The following R3HDM1 variants were observed in gnomAD, a reference collection of about 807,000 sequenced individuals.
R3HDM1 encodes R3H domain containing 1, also known as R3H domain-containing protein 1.
In R3HDM1, 46 loss-of-function variants were observed where a neutral mutation model predicts 141.1. That is an observed-to-expected ratio of 0.33 (90% CI 0.26 to 0.42). R3HDM1 has a LOEUF of 0.42. Among genes scored for constraint, R3HDM1 ranks in the 10% least tolerant of loss-of-function variants. The pLI is 1.00. For missense variants in R3HDM1, 1,184 were observed against 1,368.3 expected (o/e 0.87, Z 2.12); for synonymous variants, 435 against 472.9 (o/e 0.92, Z 1.04).
At chr2:135,640,991 C>T (rs902995097) in intron 14 of R3HDM1, among the ~76,000 whole-genome samples, 8 of 152,140 alleles carry the variant, frequency 5.3e-5, no homozygotes, top group African/African-American at 1.9e-4. Flanking sequence ...GTTGATTTTA[C>T]ATTTTGGGAA....
rs533487515 is a variant in R3HDM1 at position 135,715,087 on chromosome 2, C to T, written c.2737-463C>T. ...TCTGTTGGCCAGGTGCGATGGCTCA[C>T]GCCTGTAATTCCAGCACTTAGGGAG... On this transcript the variant is annotated intron_variant, in intron 23 of 26. Coordinates refer to ENST00000683871, the MANE Select transcript of R3HDM1 (RefSeq NM_001378107.1). Among the ~76,000 whole-genome samples the T allele has an allele frequency of 5.0e-4, 76 of 152,332 alleles. No individual in the cohort carries two copies. The South Asian group carries it at 7.0e-3, about 14-fold the overall frequency.
In R3HDM1 at chr2:135,660,825, G is replaced by A. The variant is rs1308790641; in HGVS notation, c.2029-445G>A. Among the ~76,000 whole-genome samples, 4 of 142,032 alleles carry A rather than the reference G, an allele frequency of 2.8e-5. No individual in the cohort carries two copies. The South Asian group carries it at 6.6e-4, about 23-fold the overall frequency. 93.2% of individuals were successfully genotyped at this position (142,032 alleles called of 152,430 possible). A position where few individuals can be genotyped will look rare whatever the true frequency, so the allele number is the denominator to read the frequency against. On this transcript the variant is annotated intron_variant, in intron 18 of 26. Coordinates refer to ENST00000683871, the MANE Select transcript of R3HDM1 (RefSeq NM_001378107.1). ...GGCAGCACTACACTCCAACCTGGGC[G>A]ACAGAATGAGACTCCACCTCAAAAA...
At chr2:135,601,482 T>C in intron 1 of R3HDM1, among the ~76,000 whole-genome samples, 1 of 152,204 alleles carries the variant, frequency 6.6e-6, no homozygotes, top group Admixed American at 6.5e-5. Flanking sequence ...TATATGCATA[T>C]ATGTATGCTT....
rs534325030 is a variant in R3HDM1 at position 135,725,021 on chromosome 2, A to C, written c.*729A>C. 2 of 152,684 alleles carry C rather than the reference A, an allele frequency of 1.3e-5. No homozygotes were observed. Among genetic ancestry groups the C allele is most frequent in the African/African-American group, 4.8e-5 (2 of 41,548 alleles). The allele number at this position is 152,684 out of a possible 1,614,324, so 9.5% of individuals were successfully genotyped here. On this transcript the variant is annotated 3_prime_UTR_variant, in exon 27 of 27. Coordinates refer to ENST00000683871, the MANE Select transcript of R3HDM1 (RefSeq NM_001378107.1). ...TTTCAAGTATCTCTCTAATAACTAA[A>C]TGCCACTTATTTGCATTCTCCTTGT...
intron 21 of R3HDM1, among the ~76,000 whole-genome samples, chr2:135,695,720 TGAAA>T (rs72102208): frequency 0.065 from 9,905 of 152,144 alleles, 605 homozygotes; most frequent in African/African-American, 0.17. Context: ...TTTGAAGAAG[TGAAA>T]GAAAGAAAAC....
chr2:135,616,300 A>C, intron 4 of R3HDM1, 107 bp downstream of exon 4: 1 of 1,144,056 alleles, frequency 8.7e-7, no homozygotes, highest in Non-Finnish European at 1.2e-6. Flanking sequence ...TCCATATTTT[A>C]TGGGGGGCAG....
rs770901687 is a variant in R3HDM1, at chr2:135,638,962, G to T, written c.1059G>T (p.Lys353Asn). The T allele has an allele frequency of 1.2e-4, 200 of 1,613,984 alleles. No homozygotes were observed. The highest frequency in any genetic ancestry group is 1.6e-4 in the Non-Finnish European group (190 of 1,180,044). The change falls in exon 14 of 27, where the codon AAG becomes AAT. Residue 353 changes from lysine to asparagine, a missense_variant. By Grantham distance (94) the Lys-to-Asn change is moderately conservative. Transcript: ENST00000683871. ...SHQSSTENEL[K>N]YSEPRPWSST... ...AAAGCAGCACTGAGAATGAGTTGAA[G>T]TACTCGGAACCACGACCCTGGAGCA...
chr2:135,576,386 A>G (rs1356917414), intron 1 of R3HDM1, among the ~76,000 whole-genome samples: 1 of 152,224 alleles, frequency 6.6e-6, no homozygotes, highest in Non-Finnish European at 1.5e-5. Flanking sequence ...AAATAAAAAA[A>G]AGTGTTAAAT....
intron 1 of R3HDM1, among the ~76,000 whole-genome samples, chr2:135,578,919 A>G (rs1189457693): frequency 2.6e-5 from 4 of 152,198 alleles, no homozygotes; most frequent in African/African-American, 7.2e-5. Context: ...AGGTATCCAT[A>G]TGAAGTCGTG....
intron 1 of R3HDM1, among the ~76,000 whole-genome samples, chr2:135,556,903 T>C (rs555628178): frequency 6.6e-6 from 1 of 152,316 alleles, no homozygotes; most frequent in Admixed American, 6.5e-5. Flanking sequence ...ATTCTCTAGG[T>C]CTTACAACTT....
chr2:135,584,119 G>A (rs925259398), intron 1 of R3HDM1: 18 of 883,268 alleles, frequency 2.0e-5, no homozygotes, highest in Non-Finnish European at 2.3e-5. Context: ...CTTGAGGTCA[G>A]AAGTTCAAGA....
intron 1 of R3HDM1, among the ~76,000 whole-genome samples, chr2:135,544,056 A>T (rs1408988103): frequency 1.3e-5 from 2 of 152,240 alleles, no homozygotes; most frequent in Admixed American, 1.3e-4. Flanking sequence ...AAATGAAGAT[A>T]ATGACATCTC....
intron 15 of R3HDM1, 113 bp from the exon 16 acceptor site, chr2:135,645,263 GTTT>G (rs931478781): frequency 2.2e-6 from 2 of 890,712 alleles, no homozygotes; most frequent in Admixed American, 5.7e-5. Context: ...AAATATTAGG[GTTT>G]TTTTTTAATT....
chr2:135,690,739 TTC>T (rs2072242288), intron 21 of R3HDM1, among the ~76,000 whole-genome samples: 1 of 152,234 alleles, frequency 6.6e-6, no homozygotes, highest in African/African-American at 2.4e-5. Flanking sequence ...GTTTCTTTTT[TTC>T]TTTTTTACCA....
At chr2:135,579,406 A>G (rs1376992461) in intron 1 of R3HDM1, among the ~76,000 whole-genome samples, 2 of 152,212 alleles carry the variant, frequency 1.3e-5, no homozygotes, top group Non-Finnish European at 2.9e-5. Flanking sequence ...AATTCCAATT[A>G]GCATAGATGA....
chr2:135,621,970 C>T, intron 6 of R3HDM1: 1 of 983,338 alleles, frequency 1.0e-6, no homozygotes, highest in South Asian at 4.7e-5. Context: ...ATTGAGTATC[C>T]AGTAAGAATA....
chr2:135,583,826 G>C, intron 1 of R3HDM1: 1 of 985,446 alleles, frequency 1.0e-6, no homozygotes, highest in Non-Finnish European at 1.2e-6. Context: ...TATCAGCCAT[G>C]TTAGTAATTC....
chr2:135,723,801 AAAAAG>A, intron 26 of R3HDM1, 131 bp from the exon 27 acceptor site: 5 of 560,382 alleles, frequency 8.9e-6, no homozygotes, highest in Non-Finnish European at 8.9e-6. Flanking sequence ...AAAAAAAAAA[AAAAAG>A]ATGGCCCTAA....
intron 7 of R3HDM1, 139 bp downstream of exon 7, chr2:135,622,871 G>T (rs1214912371): frequency 6.7e-6 from 9 of 1,350,184 alleles, no homozygotes; most frequent in African/African-American, 1.5e-5. Flanking sequence ...GTTTTTTAGG[G>T]CAAAGATGTT....
Sources: gnomAD v4.1 joint callset for allele counts (sites outside exome capture counted in the v4.1 genomes callset) on GRCh38, gnomAD v4.1.1 for gene constraint, MANE v1.5 for transcripts, NCBI Gene and HGNC (gene_info 2026-07-23, HGNC 2026-07-21) for gene names.